The following CDK1 variants were observed in gnomAD, a reference collection of about 807,000 sequenced individuals.
CDK1 encodes the protein cyclin-dependent kinase 1.
A neutral mutation model predicts 34.6 loss-of-function variants in CDK1; 5 were observed. That is an observed-to-expected ratio of 0.14 (90% confidence interval 0.08 to 0.30). The LOEUF (loss-of-function observed/expected upper bound fraction) is 0.30. Ranked by LOEUF, CDK1 falls within the 10% of genes least tolerant of loss-of-function variation. CDK1 has a pLI of 1.00. For synonymous variants in CDK1, 108 were observed against 114.7 expected, an observed-to-expected ratio of 0.94 and a Z score of 0.37; for missense variants, 157 against 345.7, an observed-to-expected ratio of 0.45 and a Z score of 4.33.
chr10:60,780,208 T>C lies in CDK1; in HGVS notation c.37+6T>C, dbSNP rs771635466. On this transcript the variant is annotated splice_donor_region_variant and intron_variant, in intron 2 of 7. Transcript: ENST00000395284. ...AATAGAGAAAATTGGAGAAGGTGAG[T>C]GGTTTTAGTAAAATAAATTTTATGG... 3 of 1,413,804 alleles carry C rather than the reference T, an allele frequency of 2.1e-6. No homozygotes were observed. The highest frequency in any genetic ancestry group is 3.0e-6 in the Non-Finnish European group (3 of 998,294). The allele number at this position is 1,413,804 out of a possible 1,614,324, so 87.6% of individuals were successfully genotyped here. A position where few individuals can be genotyped will look rare whatever the true frequency, so the allele number is the denominator to read the frequency against.
intron 2 of CDK1, among the ~76,000 whole-genome samples, chr10:60,781,063 T>A (rs944683157): frequency 4.0e-5 from 6 of 151,726 alleles, no homozygotes; most frequent in African/African-American, 9.7e-5. Flanking sequence ...TATATATTTT[T>A]TTTTTAAATC....
chr10:60,780,750 G>A (rs2080266096), intron 2 of CDK1, among the ~76,000 whole-genome samples: 1 of 151,966 alleles, frequency 6.6e-6, no homozygotes, highest in African/African-American at 2.4e-5. Context: ...TTCCCTTTCT[G>A]TGGTACTTGA....
At chr10:60,788,490 AG>A in intron 5 of CDK1, among the ~76,000 whole-genome samples, 1 of 152,098 alleles carries the variant, frequency 6.6e-6, no homozygotes, top group African/African-American at 2.4e-5. Flanking sequence ...GAGTTTTCCT[AG>A]CTACAGTTTT....
intron 2 of CDK1, among the ~76,000 whole-genome samples, chr10:60,782,404 A>G (rs1198385799): frequency 1.3e-5 from 2 of 152,304 alleles, no homozygotes; most frequent in East Asian, 3.9e-4. Flanking sequence ...TTTAAATATT[A>G]CAAAAATTGT....
intron 2 of CDK1, among the ~76,000 whole-genome samples, chr10:60,782,494 CT>C (rs1165997062): frequency 4.6e-5 from 7 of 152,218 alleles, no homozygotes; most frequent in South Asian, 2.1e-4. Flanking sequence ...AAGAAAATGT[CT>C]TTTTGGATCA....
rs191382782 is a variant in CDK1, at chr10:60,783,848, A to G, written c.38-857A>G. On this transcript the variant is annotated intron_variant, in intron 2 of 7. Coordinates refer to ENST00000395284, the MANE Select transcript of CDK1 (RefSeq NM_001786.5). Reference sequence around the variant, plus strand: ...TGCAAATGGGTGTGAGGCTTTCCTAATATGTAGTACATACAATGTGCTTTA... The same window carrying G: ...TGCAAATGGGTGTGAGGCTTTCCTAGTATGTAGTACATACAATGTGCTTTA... 4.4e-4 allele frequency among the ~76,000 whole-genome samples: 66 copies of G among 151,612 alleles called. No individual in the cohort carries two copies. In the East Asian group the frequency reaches 5.0e-3, roughly 12 times the overall value.
At chr10:60,787,116 T>A in intron 4 of CDK1, 2 of 966,984 alleles carry the variant, frequency 2.1e-6, no homozygotes, top group Non-Finnish European at 2.5e-6. Flanking sequence ...CAGGCAACAA[T>A]GGTTTTACTT....
chr10:60,790,334 C>T (rs1194579826), intron 5 of CDK1, among the ~76,000 whole-genome samples: 1 of 152,164 alleles, frequency 6.6e-6, no homozygotes, highest in Non-Finnish European at 1.5e-5. Flanking sequence ...ACCTCAACCT[C>T]CTGGGCTCCA....
chr10:60,794,003 A>T lies in CDK1; in HGVS notation c.*28A>T. 9.1e-7 allele frequency: 1 copy of T among 1,093,984 alleles called. No individual in the cohort carries two copies. Among genetic ancestry groups the T allele is most frequent in the Non-Finnish European group, 1.3e-6 (1 of 750,486 alleles). The allele number at this position is 1,093,984 out of a possible 1,614,324, so 67.8% of individuals were successfully genotyped here. A position where few individuals can be genotyped will look rare whatever the true frequency, so the allele number is the denominator to read the frequency against. On this transcript the variant is annotated 3_prime_UTR_variant, in exon 8 of 8. Transcript: ENST00000395284. ...TTCTGACAAAAAGTTTCCATATGTT[A>T]TATCAACAGATAGTTGTGTTTTTAT...
chr10:60,793,719 G>A (rs1162071712), intron 7 of CDK1, among the ~76,000 whole-genome samples, 158 bp from the exon 8 acceptor site: 1 of 151,998 alleles, frequency 6.6e-6, no homozygotes, highest in African/African-American at 2.4e-5. Flanking sequence ...TAGGGGAGGA[G>A]ACATTTGTGT....
rs905970349 is a variant in CDK1 at position 60,788,098 on chromosome 10, T to C, written c.357T>C (p.Cys119=). Residue 119 remains cysteine, a synonymous_variant, in exon 5 of 8, where the codon TGT becomes TGC. Coordinates refer to ENST00000395284, the MANE Select transcript of CDK1 (RefSeq NM_001786.5). The stretch of plus-strand genomic sequence containing the variant: ...AAATCCTACAGGGGATTGTGTTTTG[T>C]CACTCTAGAAGAGTTCTTCACAGAG... ...LYQILQGIVF[C]HSRRVLHRDL... 2 of 1,580,910 alleles carry C rather than the reference T, an allele frequency of 1.3e-6. No homozygotes were observed. The highest frequency in any genetic ancestry group is 1.7e-5 in the Admixed American group (1 of 57,684).
chr10:60,792,043 A>C lies in CDK1; in HGVS notation c.643A>C (p.Arg215=), dbSNP rs550175445. The C allele has an allele frequency of 1.8e-5, 29 of 1,600,006 alleles. No individual in the cohort carries two copies. In the South Asian group the frequency reaches 1.9e-4, roughly 10 times the overall value. The change falls in exon 6 of 8, where the codon AGG becomes CGG. Residue 215 remains arginine (R), a synonymous_variant. Transcript: ENST00000395284. ...GGATTCAGAAATTGATCAACTCTTC[A>C]GGATTTTCAGGTAGCTATTAAAAAC... The part of the protein sequence containing the change: ...HGDSEIDQLF[R]IFRALGTPNN...
intron 5 of CDK1, 113 bp downstream of exon 5, chr10:60,788,343 G>GT (rs1481619034): frequency 7.6e-6 from 5 of 660,194 alleles, no homozygotes; most frequent in Non-Finnish European, 1.2e-5. Context: ...CTCTGTGGCA[G>GT]TATCAATTTA....
intron 1 of CDK1, among the ~76,000 whole-genome samples, chr10:60,779,467 G>T (rs770518550): frequency 1.3e-5 from 2 of 151,964 alleles, no homozygotes; most frequent in Non-Finnish European, 2.9e-5. Context: ...GTTATAATTA[G>T]AATTTTATCT....
Position 60,794,171 on chromosome 10 carries a change from G to A in CDK1, c.*196G>A. ...AAATATAATTCTGTAAATGTGTGTA[G>A]GTCTCACTGTAACAACTATTTGTTA... On this transcript the variant is annotated 3_prime_UTR_variant, in exon 8 of 8. Transcript: ENST00000395284. The A allele has an allele frequency of 2.7e-6, 1 of 373,742 alleles. No homozygotes were observed. Among genetic ancestry groups the A allele is most frequent in the Non-Finnish European group, 4.7e-6 (1 of 212,214 alleles). 23.2% of individuals were successfully genotyped at this position (373,742 alleles called of 1,614,324 possible).
Position 60,785,751 on chromosome 10 carries a change from C to T in CDK1, c.282C>T (p.Ile94=). 6.2e-7 allele frequency: 1 copy of T among 1,605,104 alleles called. No individual in the cohort carries two copies. Among genetic ancestry groups the T allele is most frequent in the Non-Finnish European group, 8.5e-7 (1 of 1,172,546 alleles). Residue 94 remains isoleucine (I), a synonymous_variant, in exon 4 of 8, where the codon ATC becomes ATT. Transcript: ENST00000395284. ...ATCTGAAGAAATACTTGGATTCTAT[C>T]CCTCCTGGTCAGTACATGGATTCTT... The part of the protein sequence containing the change: ...SMDLKKYLDS[I]PPGQYMDSSL...
chr10:60,782,733 A>T (rs372095611), intron 2 of CDK1, among the ~76,000 whole-genome samples: 6 of 152,094 alleles, frequency 3.9e-5, no homozygotes, highest in East Asian at 1.9e-4. Flanking sequence ...TTAGTTATTT[A>T]TACTTAGTTA....
intron 5 of CDK1, 147 bp downstream of exon 5, chr10:60,788,377 T>C: frequency 2.0e-6 from 1 of 499,746 alleles, no homozygotes; most frequent in African/African-American, 2.0e-5. Context: ...CCAAATTCAT[T>C]GCATGCTATG....
At chr10:60,788,951 GT>G (rs2080336905) in intron 5 of CDK1, among the ~76,000 whole-genome samples, 1 of 152,006 alleles carries the variant, frequency 6.6e-6, no homozygotes, top group Admixed American at 6.6e-5. Flanking sequence ...AGATTATTTT[GT>G]TTTCTTTGTC....
Sources: gnomAD v4.1 joint callset for allele counts (sites outside exome capture counted in the v4.1 genomes callset) on GRCh38, gnomAD v4.1.1 for gene constraint, MANE v1.5 for transcripts, NCBI Gene and HGNC (gene_info 2026-07-23, HGNC 2026-07-21) for gene names.